Variants in NVL observed in about 807,000 individuals in gnomAD.
NVL encodes the protein nuclear VCP like.
A neutral mutation model predicts 110.2 loss-of-function variants in NVL; 84 were observed. The ratio of observed to expected loss-of-function variants is 0.76; its 90% CI spans 0.64 to 0.91. NVL has a LOEUF of 0.91. Among genes scored for constraint, NVL ranks in the 40% least tolerant of loss-of-function variants. The probability of loss-of-function intolerance (pLI) is 0.00; values close to 1 mark genes in which losing one functional copy is unlikely to be tolerated. For missense variants in NVL, 882 were observed against 1,035.9 expected (o/e 0.85, Z 2.04); for synonymous variants, 354 against 361.1 (o/e 0.98, Z 0.22).
chr1:224,328,820 A>G (rs916631752), intron 1 of NVL, among the ~76,000 whole-genome samples: 1 of 152,192 alleles, frequency 6.6e-6, no homozygotes, highest in African/African-American at 2.4e-5. Context: ...CCACTTGGCC[A>G]TTTTAATTTG....
chr1:224,256,423 TAAAA>T lies in NVL; in HGVS notation c.2183-6109_2183-6106del, dbSNP rs34959473. On this transcript the variant is annotated intron_variant, in intron 18 of 22. Transcript: ENST00000281701. ...CTGGGCAACAGGGTGAGGCTCCATC[TAAAA>T]AAAAAAAAAAAAAAAAAAAACCCAC... Among the ~76,000 whole-genome samples the T allele has an allele frequency of 1.7e-4, 13 of 75,676 alleles. No individual in the cohort carries two copies. The Admixed American group carries it at 1.8e-3, about 11-fold the overall frequency. The allele number at this position is 75,676 out of a possible 152,430, so 49.6% of individuals were successfully genotyped here.
rs777361742 is a variant in NVL at position 224,303,748 on chromosome 1, G to A, written c.935C>T (p.Thr312Ile). 1.9e-6 allele frequency: 3 copies of A among 1,613,422 alleles called. No individual in the cohort carries two copies. The highest frequency in any genetic ancestry group is 1.7e-6 in the Non-Finnish European group (2 of 1,179,732). The change falls in exon 9 of 23, where the codon ACA (threonine) becomes ATA (isoleucine). Residue 312 changes from threonine to isoleucine, a missense_variant. This residue lies in a region of NVL where 416 missense variants were observed against 499.3 expected (regional missense o/e 0.83). Transcript: ENST00000281701. ...CCCAGCAATTGCATGTGCAAGTAATGTCTTCCCACAGCCTGGTGGTCCATG... is the reference window on the plus strand; with the variant it reads ...CCCAGCAATTGCATGTGCAAGTAATATCTTCCCACAGCCTGGTGGTCCATG... ...LLHGPPGCGK[T>I]LLAHAIAGEL...
At chr1:224,318,853 G>A (rs1240561457) in intron 2 of NVL, among the ~76,000 whole-genome samples, 2 of 151,694 alleles carry the variant, frequency 1.3e-5, no homozygotes, top group African/African-American at 4.8e-5. Context: ...GCCAGGCGTG[G>A]TGGTGGGCGC....
intron 19 of NVL, among the ~76,000 whole-genome samples, chr1:224,246,330 G>T (rs540569150): frequency 6.6e-6 from 1 of 152,030 alleles, no homozygotes; most frequent in Non-Finnish European, 1.5e-5. Context: ...GTGCCTGGCC[G>T]AAGTGGGGTA....
At chr1:224,251,339 T>A (rs1662479718) in intron 18 of NVL, among the ~76,000 whole-genome samples, 1 of 145,464 alleles carries the variant, frequency 6.9e-6, no homozygotes, top group Admixed American at 6.9e-5. Context: ...AAATAAAAAA[T>A]TAATAAATTG....
At chr1:224,258,708 A>T (rs1488844034) in intron 18 of NVL, among the ~76,000 whole-genome samples, 2 of 152,210 alleles carry the variant, frequency 1.3e-5, no homozygotes, top group South Asian at 4.1e-4. Context: ...TTATTTCATA[A>T]TAAAAAGGAA....
Position 224,326,385 on chromosome 1 carries a change from AT to A in NVL, c.131+5del. 1.3e-6 allele frequency: 2 copies of A among 1,590,404 alleles called. No individual in the cohort carries two copies. Among genetic ancestry groups the A allele is most frequent in the Non-Finnish European group, 1.7e-6 (2 of 1,166,494 alleles). On this transcript the variant is annotated splice_donor_5th_base_variant and intron_variant, in intron 2 of 22. Coordinates refer to ENST00000281701, the MANE Select transcript of NVL (RefSeq NM_002533.4). ...ATCCAAGGATCCGGAAACTATATTT[AT>A]TTACCTGTACACTCTTTGTAAATCA...
chr1:224,305,762 C>T (rs1572018449), intron 6 of NVL, among the ~76,000 whole-genome samples: 1 of 152,208 alleles, frequency 6.6e-6, no homozygotes, highest in African/African-American at 2.4e-5. Context: ...AGGCTGGTAT[C>T]GAACTCCTGA....
At chr1:224,314,745 T>A (rs1669897522) in intron 4 of NVL, among the ~76,000 whole-genome samples, 1 of 152,138 alleles carries the variant, frequency 6.6e-6, no homozygotes, top group East Asian at 1.9e-4. Flanking sequence ...CACCAAAATA[T>A]GACAGACATT....
intron 18 of NVL, among the ~76,000 whole-genome samples, chr1:224,266,728 T>G (rs899275150): frequency 1.3e-5 from 2 of 152,228 alleles, no homozygotes; most frequent in East Asian, 3.8e-4. Context: ...AGGGACTTTC[T>G]TCTAGGATGA....
chr1:224,243,635 T>C (rs1487195756), intron 19 of NVL, among the ~76,000 whole-genome samples: 3 of 151,554 alleles, frequency 2.0e-5, no homozygotes, highest in Admixed American at 6.6e-5. Flanking sequence ...ATGTTAGCTA[T>C]TATTATATCA....
At chr1:224,259,390 G>A (rs778448730) in intron 18 of NVL, among the ~76,000 whole-genome samples, 9 of 151,744 alleles carry the variant, frequency 5.9e-5, no homozygotes, top group East Asian at 2.0e-4. Context: ...ACATGGCCCA[G>A]GTGATGCAAA....
At chr1:224,280,884 C>T (rs1315470636) in intron 16 of NVL, among the ~76,000 whole-genome samples, 4 of 152,170 alleles carry the variant, frequency 2.6e-5, no homozygotes, top group East Asian at 3.9e-4. Context: ...GAAATCTTTG[C>T]TCTACTGCTT....
intron 18 of NVL, among the ~76,000 whole-genome samples, chr1:224,250,991 C>T (rs1662413355): frequency 1.3e-5 from 2 of 149,748 alleles, no homozygotes; most frequent in Middle Eastern, 3.2e-3. Flanking sequence ...ATGCAATTAA[C>T]GGCTGGGCGC....
At chr1:224,232,071 G>A (rs756679201) in intron 21 of NVL, 7 of 151,140 alleles carry the variant, frequency 4.6e-5, no homozygotes, top group South Asian at 2.1e-4. Context: ...CAGGGAGGCC[G>A]GGCGCAGTGG....
At chr1:224,244,445 AT>A (rs1171809435) in intron 19 of NVL, among the ~76,000 whole-genome samples, 2 of 152,158 alleles carry the variant, frequency 1.3e-5, no homozygotes, top group African/African-American at 4.8e-5. Context: ...GAAATACCAA[AT>A]AAAAAATATA....
At chr1:224,285,592 C>T (rs4654017) in intron 15 of NVL, among the ~76,000 whole-genome samples, 129,887 of 152,154 alleles carry the variant, frequency 0.85, 57,028 homozygotes, top group Non-Finnish European at 0.94. Flanking sequence ...GAGAATTACA[C>T]ACAATGCTTT....
intron 1 of NVL, 148 bp downstream of exon 1, chr1:224,329,923 A>G (rs1671516778): frequency 2.6e-6 from 2 of 764,724 alleles, no homozygotes; most frequent in Non-Finnish European, 4.3e-6. Context: ...GGCAGCACCA[A>G]CTAAGGAGAA....
In NVL at chr1:224,317,917, G is replaced by A. The variant is rs748581297; in HGVS notation, c.145C>T (p.Arg49Ter). ...ATCCTAAAAGCATTTCTTTTTCTTCGACCATAGTCTATACTGAAAAAAGAA... is the reference window on the plus strand; with the variant it reads ...ATCCTAAAAGCATTTCTTTTTCTTCAACCATAGTCTATACTGAAAAAAGAA... Reference protein sequence around the residue: ...LQRVYSIDYGRRKRNAFRIQV... With the variant: ...LQRVYSIDYG The change falls in exon 3 of 23, where the codon CGA becomes TGA. Residue 49 changes from arginine to a stop codon, truncating the protein, a stop_gained. Coordinates refer to ENST00000281701, the MANE Select transcript of NVL (RefSeq NM_002533.4). LOFTEE classifies it high-confidence loss of function. 4 of 1,597,028 alleles carry A rather than the reference G, an allele frequency of 2.5e-6. No homozygotes were observed. Among genetic ancestry groups the A allele is most frequent in the Admixed American group, 3.4e-5 (2 of 58,916 alleles).
Sources: allele counts gnomAD v4.1 joint callset (sites outside exome capture counted in the v4.1 genomes callset), GRCh38; gene constraint gnomAD v4.1.1; regional missense constraint gnomAD v4.1.1; transcripts MANE v1.5; gene names NCBI Gene and HGNC (gene_info 2026-07-23, HGNC 2026-07-21).